Variants in TPPP observed in about 807,000 individuals in gnomAD.
The protein encoded by TPPP is tubulin polymerization promoting protein.
In TPPP, 6 loss-of-function variants were observed where a neutral mutation model predicts 15.5. The observed-to-expected ratio is 0.39, with a 90% CI of 0.21 to 0.77. The LOEUF is 0.77. Among genes scored for constraint, TPPP ranks in the 30% least tolerant of loss-of-function variants. The probability of loss-of-function intolerance (pLI) is 0.42; values close to 1 mark genes in which losing one functional copy is unlikely to be tolerated. For synonymous variants in TPPP, 146 were observed against 133.9 expected, an observed-to-expected ratio of 1.09 and a Z score of -0.63; for missense variants, 269 against 307.2, an observed-to-expected ratio of 0.88 and a Z score of 0.93.
At chr5:700,340 AAGTC>A in the TPPP span, among the ~76,000 whole-genome samples, 1 of 151,980 alleles carries the variant, frequency 6.6e-6, no homozygotes, top group Non-Finnish European at 1.5e-5. Context: ...CAGAAACAAA[AAGTC>A]AAATACCACA....
upstream of TPPP, chr5:693,517 C>G (rs1740954825): frequency 6.6e-6 from 1 of 150,834 alleles, no homozygotes; most frequent in Non-Finnish European, 1.5e-5. Flanking sequence ...CCCGGGGACG[C>G]GCGGGCGCAC....
intron 1 of TPPP, among the ~76,000 whole-genome samples, chr5:685,617 G>A (rs1337732064): frequency 6.6e-6 from 1 of 152,248 alleles, no homozygotes; most frequent in Non-Finnish European, 1.5e-5. Flanking sequence ...GCCCTCAGAA[G>A]AAGAGAGATG....
intron 2 of TPPP, among the ~76,000 whole-genome samples, chr5:669,827 A>G (rs1740139412): frequency 1.3e-5 from 2 of 152,148 alleles, no homozygotes; most frequent in Admixed American, 1.3e-4. Context: ...GGCAGTCCTC[A>G]GGAGTTCTAG....
intron 2 of TPPP, among the ~76,000 whole-genome samples, chr5:674,559 C>T (rs1740338720): frequency 6.6e-6 from 1 of 152,140 alleles, no homozygotes; most frequent in South Asian, 2.1e-4. Context: ...CTGTCTGTGC[C>T]AGAGGCTCTG....
At chr5:670,539 T>C (rs2126881543) in intron 2 of TPPP, among the ~76,000 whole-genome samples, 1 of 152,150 alleles carries the variant, frequency 6.6e-6, no homozygotes, top group East Asian at 1.9e-4. Flanking sequence ...TGGGAAGGAC[T>C]CCCTGGCTGC....
chr5:668,832 A>G (rs1214553301), intron 2 of TPPP, among the ~76,000 whole-genome samples: 3 of 152,232 alleles, frequency 2.0e-5, no homozygotes, highest in Non-Finnish European at 4.4e-5. Context: ...GCACGTGGAC[A>G]GCACCCCCAC....
In TPPP at chr5:659,909, A is replaced by G. The variant is rs914044525; in HGVS notation, c.*5193T>C. 1 of 152,382 alleles carries G rather than the reference A, an allele frequency of 6.6e-6. No individual in the cohort carries two copies. Among genetic ancestry groups the G allele is most frequent in the Non-Finnish European group, 1.5e-5 (1 of 68,048 alleles). 9.4% of individuals were successfully genotyped at this position (152,382 alleles called of 1,614,324 possible). A position where few individuals can be genotyped will look rare whatever the true frequency, so the allele number is the denominator to read the frequency against. On this transcript the variant is annotated 3_prime_UTR_variant, in exon 4 of 4. Transcript: ENST00000360578. The stretch of plus-strand genomic sequence containing the variant: ...TGTCACTTTACCAACTTGACACACA[A>G]TGTTAACGACAGCAGACACAGGAGC...
chr5:677,709 C>T (rs772554184), intron 2 of TPPP, 41 bp downstream of exon 2: 22 of 1,512,028 alleles, frequency 1.5e-5, no homozygotes, highest in Non-Finnish European at 1.9e-5. Flanking sequence ...CGCAGACCCC[C>T]GTAAGTCAGG....
rs1739748846 is a variant in TPPP, at chr5:663,244, T to A, written c.*1858A>T. ...TGATTCCGAACCGCACATTCAGAGTTGTTTTCAAATGTTTCCGCACGTTAG... is the reference window on the plus strand; with the variant it reads ...TGATTCCGAACCGCACATTCAGAGTAGTTTTCAAATGTTTCCGCACGTTAG... On this transcript the variant is annotated 3_prime_UTR_variant, in exon 4 of 4. Transcript: ENST00000360578. 1 of 152,228 alleles carries A rather than the reference T, an allele frequency of 6.6e-6. No homozygotes were observed. The highest frequency in any genetic ancestry group is 1.5e-5 in the Non-Finnish European group (1 of 68,028). 9.4% of individuals were successfully genotyped at this position (152,228 alleles called of 1,614,324 possible). A position where few individuals can be genotyped will look rare whatever the true frequency, so the allele number is the denominator to read the frequency against.
chr5:666,709 G>A (rs1203669130), intron 2 of TPPP, among the ~76,000 whole-genome samples: 1 of 152,218 alleles, frequency 6.6e-6, no homozygotes, highest in East Asian at 1.9e-4. Flanking sequence ...GCCATGAGAA[G>A]CTTCTGGTCA....
At chr5:681,721 C>T (rs551618464) in intron 1 of TPPP, among the ~76,000 whole-genome samples, 35 of 147,074 alleles carry the variant, frequency 2.4e-4, no homozygotes, top group African/African-American at 7.9e-4. Context: ...ATGGCACCTA[C>T]GGGCTCACCC....
At chr5:669,834 C>T (rs1179436298) in intron 2 of TPPP, among the ~76,000 whole-genome samples, 1 of 152,236 alleles carries the variant, frequency 6.6e-6, no homozygotes, top group Admixed American at 6.5e-5. Flanking sequence ...CTCAGGAGTT[C>T]TAGGACAGCG....
intron 2 of TPPP, 75 bp from the exon 3 acceptor site, chr5:666,198 A>G: frequency 6.5e-7 from 1 of 1,530,770 alleles, no homozygotes; most frequent in Non-Finnish European, 8.8e-7. Flanking sequence ...GGGTCTGAGC[A>G]GAGCTGGACA....
chr5:684,152 T>G (rs1291709120), intron 1 of TPPP, among the ~76,000 whole-genome samples: 2 of 152,202 alleles, frequency 1.3e-5, no homozygotes, highest in Non-Finnish European at 2.9e-5. Flanking sequence ...CGGCCACAGT[T>G]TCCACCTTGA....
chr5:691,650 C>A (rs1386615758), intron 1 of TPPP, among the ~76,000 whole-genome samples: 1 of 28,512 alleles, frequency 3.5e-5, no homozygotes, highest in Non-Finnish European at 7.5e-5. Flanking sequence ...CCCCCAACCC[C>A]CATCAAAACA....
At chr5:673,112 C>T (rs1272033897) in intron 2 of TPPP, among the ~76,000 whole-genome samples, 2 of 152,144 alleles carry the variant, frequency 1.3e-5, no homozygotes, top group African/African-American at 4.8e-5. Flanking sequence ...GGCAGAGGCT[C>T]CCACAAGTGA....
At chr5:674,860 C>T (rs1419328377) in intron 2 of TPPP, among the ~76,000 whole-genome samples, 2 of 150,710 alleles carry the variant, frequency 1.3e-5, no homozygotes, top group African/African-American at 5.0e-5. Flanking sequence ...CTCCAGCGAG[C>T]CTGTGGGAGC....
intron 2 of TPPP, among the ~76,000 whole-genome samples, chr5:672,965 C>T (rs772354867): frequency 1.1e-4 from 17 of 152,220 alleles, no homozygotes; most frequent in Non-Finnish European, 2.1e-4. Flanking sequence ...CCCGAGCTGG[C>T]GCCACGCCGG....
intron 3 of TPPP, 41 bp downstream of exon 3, chr5:665,929 C>T (rs768015782): frequency 1.2e-6 from 1 of 837,196 alleles, no homozygotes; most frequent in Non-Finnish European, 1.6e-6. Flanking sequence ...GCCCCGCCCC[C>T]ACCCCCTCCA....
Sources: allele counts gnomAD v4.1 joint callset (sites outside exome capture counted in the v4.1 genomes callset), GRCh38; gene constraint gnomAD v4.1.1; transcripts MANE v1.5; gene names NCBI Gene and HGNC (gene_info 2026-07-23, HGNC 2026-07-21).